CTXND2: variants seen among roughly 807,000 people sequenced by gnomAD.
CTXND2 encodes the protein cortexin domain containing 2.
chr1:150,904,395 G>A (rs185129092), intron 1 of CTXND2, among the ~76,000 whole-genome samples: 2 of 152,256 alleles, frequency 1.3e-5, no homozygotes, highest in Admixed American at 1.3e-4. Context: ...TTCAGTTTTT[G>A]AATTTTAATA....
rs1669211535 is a variant in CTXND2 at position 150,909,456 on chromosome 1, T to C, written c.-73-2786T>C. Among the ~76,000 whole-genome samples the C allele has an allele frequency of 2.0e-5, 3 of 151,144 alleles. No individual in the cohort carries two copies. In the East Asian group the frequency reaches 5.8e-4, roughly 29 times the overall value. ...CCTGTAGTCCCAGCTACTTGGAAGG[T>C]TGAGATGGGAGGATCAATTTAGCCT... On this transcript the variant is annotated intron_variant, in intron 1 of 1. Coordinates refer to ENST00000636087, the Ensembl canonical transcript of CTXND2.
At chr1:150,912,426 C>A in exon 2 of CTXND2, 1 of 398,558 alleles carries the variant, frequency 2.5e-6, no homozygotes, top group Non-Finnish European at 4.4e-6. Context: ...GTGTGCCAAG[C>A]TGGTGAAGAA....
intron 1 of CTXND2, among the ~76,000 whole-genome samples, chr1:150,891,728 T>C (rs1668854206): frequency 6.6e-6 from 1 of 152,172 alleles, no homozygotes. Flanking sequence ...TACTATATTG[T>C]CCTCCCTTAA....
intron 1 of CTXND2, among the ~76,000 whole-genome samples, chr1:150,907,771 G>T (rs1159398956): frequency 7.5e-6 from 1 of 133,310 alleles, no homozygotes; most frequent in African/African-American, 2.8e-5. Context: ...GTGCAGTGGC[G>T]CAATCTTGGC....
intron 1 of CTXND2, among the ~76,000 whole-genome samples, chr1:150,890,719 T>C (rs915734662): frequency 2.0e-5 from 3 of 151,960 alleles, no homozygotes; most frequent in African/African-American, 4.8e-5. Flanking sequence ...GTTAGACTGG[T>C]CTTGAACTCC....
chr1:150,906,876 C>T (rs909089640), intron 1 of CTXND2, among the ~76,000 whole-genome samples: 4 of 152,266 alleles, frequency 2.6e-5, no homozygotes, highest in Admixed American at 1.3e-4. Flanking sequence ...TAAGCAGCAC[C>T]ATTTGAAGGG....
chr1:150,912,702 TC>T, exon 2 of CTXND2: 1 of 365,962 alleles, frequency 2.7e-6, no homozygotes, highest in Non-Finnish European at 4.8e-6. Context: ...AGATTTTAAT[TC>T]TTCAGTGCCT....
chr1:150,905,432 C>T (rs587708952), intron 1 of CTXND2, among the ~76,000 whole-genome samples: 11 of 152,146 alleles, frequency 7.2e-5, no homozygotes, highest in South Asian at 6.2e-4. Context: ...AGGCATGAGC[C>T]GTGGCACCCG....
intron 1 of CTXND2, among the ~76,000 whole-genome samples, chr1:150,911,006 G>A (rs1311793533): frequency 2.0e-5 from 3 of 151,826 alleles, no homozygotes; most frequent in Non-Finnish European, 4.4e-5. Context: ...GGGTTTTACC[G>A]TGTTAGCCAG....
intron 1 of CTXND2, among the ~76,000 whole-genome samples, chr1:150,890,315 G>A (rs1164142250): frequency 2.0e-5 from 3 of 149,662 alleles, no homozygotes; most frequent in African/African-American, 4.8e-5. Context: ...GCTGTACTAA[G>A]AAGACAGATT....
chr1:150,901,249 C>CTTAA (rs1256160710), intron 1 of CTXND2, among the ~76,000 whole-genome samples: 1 of 152,164 alleles, frequency 6.6e-6, no homozygotes. Context: ...ATTGAAAAGA[C>CTTAA]TTAAGCAAAT....
intron 1 of CTXND2, among the ~76,000 whole-genome samples, chr1:150,907,415 T>C (rs1206818106): frequency 1.3e-5 from 2 of 152,224 alleles, no homozygotes; most frequent in Non-Finnish European, 2.9e-5. Context: ...AATGGAATTA[T>C]ATAATATGCT....
chr1:150,895,866 A>G (rs1448582920), intron 1 of CTXND2, among the ~76,000 whole-genome samples: 2 of 152,164 alleles, frequency 1.3e-5, no homozygotes, highest in African/African-American at 4.8e-5. Context: ...GTATCCAATG[A>G]CAGTAGCAGC....
exon 2 of CTXND2, chr1:150,913,083 C>T (rs587749935): frequency 6.6e-5 from 10 of 152,226 alleles, no homozygotes; most frequent in African/African-American, 2.4e-4. Context: ...CGTGTCCTAA[C>T]CCCTGGAATG....
intron 1 of CTXND2, among the ~76,000 whole-genome samples, chr1:150,888,754 G>A (rs769726282): frequency 6.6e-6 from 1 of 151,804 alleles, no homozygotes; most frequent in East Asian, 1.9e-4. Context: ...GCAGTGGTGC[G>A]ATCATGGCTT....
At chr1:150,913,083 C>G (rs587749935) in exon 2 of CTXND2, 1 of 152,108 alleles carries the variant, frequency 6.6e-6, no homozygotes, top group African/African-American at 2.4e-5. Context: ...CGTGTCCTAA[C>G]CCCTGGAATG....
At chr1:150,904,038 C>T (rs1329329075) in intron 1 of CTXND2, 2 of 655,402 alleles carry the variant, frequency 3.1e-6, no homozygotes, top group Non-Finnish European at 5.7e-6. Context: ...GTTGGATTCT[C>T]TTACACAGAT....
intron 1 of CTXND2, 121 bp from the exon 2 acceptor site, chr1:150,912,121 T>C (rs1669267281): frequency 5.2e-6 from 2 of 386,002 alleles, no homozygotes; most frequent in South Asian, 2.9e-4. Context: ...TGTAACTGCT[T>C]CTTAAGTAAA....
chr1:150,907,383 C>G (rs751500343), intron 1 of CTXND2, among the ~76,000 whole-genome samples: 18 of 152,192 alleles, frequency 1.2e-4, no homozygotes, highest in Non-Finnish European at 2.5e-4. Context: ...CTATAGATTT[C>G]TCTATTCTAG....
Sources: allele counts gnomAD v4.1 joint callset (sites outside exome capture counted in the v4.1 genomes callset), GRCh38; gene constraint gnomAD v4.1.1; transcripts MANE v1.5; gene names NCBI Gene and HGNC (gene_info 2026-07-23, HGNC 2026-07-21).